Variants in PCCA observed in about 807,000 individuals in gnomAD.
PCCA encodes propionyl-CoA carboxylase subunit alpha.
PCCA carries 74 observed loss-of-function variants against 101.3 expected under a neutral mutation model. That is an observed-to-expected ratio of 0.73 (90% confidence interval 0.61 to 0.89). The LOEUF (loss-of-function observed/expected upper bound fraction) is 0.89. PCCA is among the 40% of genes least tolerant of loss of function. The pLI is 0.00. For synonymous variants in PCCA, 294 were observed against 313.6 expected, an observed-to-expected ratio of 0.94 and a Z score of 0.66; for missense variants, 891 against 907.0, an observed-to-expected ratio of 0.98 and a Z score of 0.23.
intron 16 of PCCA, among the ~76,000 whole-genome samples, chr13:100,316,517 C>T (rs1036527168): frequency 2.0e-5 from 3 of 152,118 alleles, no homozygotes; most frequent in African/African-American, 7.2e-5. Context: ...TATGATTTAT[C>T]CTGTGAAACT....
At chr13:100,153,526 A>G (rs2053582332) in intron 4 of PCCA, among the ~76,000 whole-genome samples, 2 of 152,220 alleles carry the variant, frequency 1.3e-5, no homozygotes, top group Admixed American at 6.5e-5. Context: ...GAAGTACTCA[A>G]TTTCTTTCTT....
chr13:100,493,352 G>C (rs1052917443), intron 21 of PCCA, among the ~76,000 whole-genome samples: 1 of 152,178 alleles, frequency 6.6e-6, no homozygotes, highest in African/African-American at 2.4e-5. Context: ...GGATGTGGAG[G>C]TGTGCGCTGC....
chr13:100,133,489 T>C (rs554888450), intron 4 of PCCA, among the ~76,000 whole-genome samples: 1 of 152,244 alleles, frequency 6.6e-6, no homozygotes, highest in Non-Finnish European at 1.5e-5. Flanking sequence ...GCCACGAAGA[T>C]TTTCTTCAAG....
chr13:100,193,335 C>T (rs1052257329), intron 6 of PCCA, among the ~76,000 whole-genome samples: 1 of 152,112 alleles, frequency 6.6e-6, no homozygotes, highest in Non-Finnish European at 1.5e-5. Context: ...TAGGCCCCCT[C>T]CTTTTTGTGT....
intron 21 of PCCA, among the ~76,000 whole-genome samples, chr13:100,497,378 G>C (rs1377634639): frequency 6.6e-6 from 1 of 152,088 alleles, no homozygotes; most frequent in South Asian, 2.1e-4. Flanking sequence ...CATCTGAGAA[G>C]CCTACTATTC....
At chr13:100,441,994 T>TC (rs1224052627) in intron 20 of PCCA, among the ~76,000 whole-genome samples, 1 of 137,412 alleles carries the variant, frequency 7.3e-6, no homozygotes, top group Admixed American at 8.2e-5. Flanking sequence ...TTTTTCTTTT[T>TC]TTTTTTTTTT....
intron 4 of PCCA, among the ~76,000 whole-genome samples, chr13:100,117,916 A>G (rs918577411): frequency 6.6e-6 from 1 of 151,976 alleles, no homozygotes; most frequent in Non-Finnish European, 1.5e-5. Context: ...GGAGATCGAG[A>G]CCATCCTGGC....
chr13:100,473,779 T>G (rs2083204903), intron 21 of PCCA, among the ~76,000 whole-genome samples: 1 of 152,248 alleles, frequency 6.6e-6, no homozygotes, highest in African/African-American at 2.4e-5. Context: ...CACATGCAAC[T>G]TATTATCATC....
At chr13:100,214,502 G>A (rs1165249012) in intron 7 of PCCA, among the ~76,000 whole-genome samples, 2 of 151,552 alleles carry the variant, frequency 1.3e-5, no homozygotes, top group Non-Finnish European at 2.9e-5. Flanking sequence ...TCGGCTCACT[G>A]CAACCTCTGC....
At chr13:100,442,570 T>C (rs2080454761) in intron 20 of PCCA, among the ~76,000 whole-genome samples, 1 of 152,196 alleles carries the variant, frequency 6.6e-6, no homozygotes, top group Admixed American at 6.5e-5. Flanking sequence ...TGTTTTAGTG[T>C]CTCCTACATA....
At chr13:100,133,641 T>G (rs1282367201) in intron 4 of PCCA, among the ~76,000 whole-genome samples, 1 of 152,202 alleles carries the variant, frequency 6.6e-6, no homozygotes, top group Non-Finnish European at 1.5e-5. Flanking sequence ...TTGAAAATAG[T>G]ATTTCTCTAT....
At chr13:100,249,761 G>A (rs2152544756) in intron 8 of PCCA, among the ~76,000 whole-genome samples, 1 of 152,186 alleles carries the variant, frequency 6.6e-6, no homozygotes, top group East Asian at 1.9e-4. Flanking sequence ...TCAGAGTTTT[G>A]TAGTTTTCCT....
Position 100,327,455 on chromosome 13 carries a change from T to G in PCCA, c.1430-3106T>G, listed in dbSNP as rs1403154208. On this transcript the variant is annotated intron_variant, in intron 16 of 23. Coordinates refer to ENST00000376285, the MANE Select transcript of PCCA (RefSeq NM_000282.4). Reference sequence around the variant, plus strand: ...TTCCATTGTATGGACAAGCCCAGTTTTGTTAATTCATTTGCCTCTTAATGG... The same window carrying G: ...TTCCATTGTATGGACAAGCCCAGTTGTGTTAATTCATTTGCCTCTTAATGG... Among the ~76,000 whole-genome samples, 6 of 152,250 alleles carry G rather than the reference T, an allele frequency of 3.9e-5. 1 individual carries two copies. The highest frequency in any genetic ancestry group is 1.3e-4 in the Admixed American group (2 of 15,278).
At chr13:100,519,989 G>T (rs930377521) in intron 22 of PCCA, among the ~76,000 whole-genome samples, 10 of 152,192 alleles carry the variant, frequency 6.6e-5, no homozygotes, top group Admixed American at 6.5e-5. Context: ...ATGTTTTATA[G>T]CAATAGTTAT....
chr13:100,318,491 C>T (rs1392010225), intron 16 of PCCA, among the ~76,000 whole-genome samples: 6 of 128,632 alleles, frequency 4.7e-5, no homozygotes, highest in African/African-American at 1.7e-4. Flanking sequence ...CTCCCCCCAC[C>T]CCATGACAGG....
intron 12 of PCCA, among the ~76,000 whole-genome samples, chr13:100,294,973 A>C (rs1329508399): frequency 6.6e-6 from 1 of 151,952 alleles, no homozygotes. Context: ...GTAGAGTCTC[A>C]CTCTGTCACC....
chr13:100,150,913 T>C (rs1306519312), intron 4 of PCCA: 2 of 1,549,218 alleles, frequency 1.3e-6, no homozygotes, highest in Non-Finnish European at 1.8e-6. Context: ...GAATCCTATA[T>C]ATAACGTAAC....
intron 5 of PCCA, among the ~76,000 whole-genome samples, chr13:100,155,455 T>G (rs1033808844): frequency 3.3e-5 from 5 of 152,232 alleles, no homozygotes; most frequent in African/African-American, 1.2e-4. Context: ...ATCCAAAGAC[T>G]GTGTTCAAAT....
At chr13:100,362,161 T>C (rs1255535674) in intron 18 of PCCA, among the ~76,000 whole-genome samples, 1 of 152,090 alleles carries the variant, frequency 6.6e-6, no homozygotes, top group African/African-American at 2.4e-5. Context: ...TCTGTTCTTG[T>C]GAAGCTCAGA....
Sources: gnomAD v4.1 joint callset for allele counts (sites outside exome capture counted in the v4.1 genomes callset) on GRCh38, gnomAD v4.1.1 for gene constraint, MANE v1.5 for transcripts, NCBI Gene and HGNC (gene_info 2026-07-23, HGNC 2026-07-21) for gene names.